The following PRKCE variants were observed in gnomAD, a reference collection of about 807,000 sequenced individuals.
PRKCE encodes the protein protein kinase C epsilon.
PRKCE carries 16 observed loss-of-function variants against 85.4 expected under a neutral mutation model. That is an observed-to-expected ratio of 0.19 (90% CI 0.13 to 0.28). The LOEUF is 0.28. Among genes scored for constraint, PRKCE ranks in the 10% least tolerant of loss-of-function variants. PRKCE has a pLI of 1.00. For synonymous variants in PRKCE, 388 were observed against 371.5 expected (o/e 1.04, Z -0.51); for missense variants, 573 against 975.2 (o/e 0.59, Z 5.49).
rs116540700 is a variant in PRKCE at position 46,064,003 on chromosome 2, C to T, written c.1438-22205C>T. Among the ~76,000 whole-genome samples the T allele has an allele frequency of 3.6e-3, 547 of 152,136 alleles. 5 individuals are homozygous for T. Among genetic ancestry groups the T allele is most frequent in the African/African-American group, 0.013 (533 of 41,516 alleles). Reference sequence around the variant, plus strand: ...CTGTCTATGAAAATGGTTAACTGGTCGGGCACAGTGGCTCACACCTGTAAT... The same window carrying T: ...CTGTCTATGAAAATGGTTAACTGGTTGGGCACAGTGGCTCACACCTGTAAT... On this transcript the variant is annotated intron_variant, in intron 10 of 14. Transcript: ENST00000306156.
At chr2:46,022,943 C>T (rs866328767) in intron 10 of PRKCE, among the ~76,000 whole-genome samples, 12 of 151,776 alleles carry the variant, frequency 7.9e-5, no homozygotes, top group South Asian at 4.2e-4. Flanking sequence ...ATTAGCCGGG[C>T]GCGGTGGCGG....
intron 2 of PRKCE, among the ~76,000 whole-genome samples, chr2:45,857,757 A>C (rs1420553785): frequency 6.6e-6 from 1 of 152,098 alleles, no homozygotes; most frequent in African/African-American, 2.4e-5. Context: ...TAAAGTATTC[A>C]AATAATTGTA....
At chr2:45,658,128 A>G (rs1675464984) in intron 1 of PRKCE, among the ~76,000 whole-genome samples, 1 of 152,178 alleles carries the variant, frequency 6.6e-6, no homozygotes, top group African/African-American at 2.4e-5. Flanking sequence ...GAGGTAGGGA[A>G]GGGCTGGCAA....
At chr2:46,167,106 T>G (rs915055511) in intron 14 of PRKCE, 1 of 152,240 alleles carries the variant, frequency 6.6e-6, no homozygotes, top group Admixed American at 6.5e-5. Context: ...CCTTTGAACT[T>G]CTTCTCATCC....
At chr2:45,765,069 C>G (rs1218502822) in intron 1 of PRKCE, among the ~76,000 whole-genome samples, 1 of 152,180 alleles carries the variant, frequency 6.6e-6, no homozygotes, top group East Asian at 1.9e-4. Flanking sequence ...CGCTCAAAAA[C>G]CCACCCACTC....
chr2:45,754,512 A>T (rs963042721), intron 1 of PRKCE, among the ~76,000 whole-genome samples: 2 of 152,074 alleles, frequency 1.3e-5, no homozygotes, highest in Non-Finnish European at 2.9e-5. Context: ...TTGCGGCTCT[A>T]TGGAGGGAAA....
At chr2:45,748,342 C>T (rs1199475612) in intron 1 of PRKCE, among the ~76,000 whole-genome samples, 1 of 152,226 alleles carries the variant, frequency 6.6e-6, no homozygotes, top group East Asian at 1.9e-4. Flanking sequence ...GTGGCAGAAG[C>T]AGGATGTGAC....
rs148149175 is a variant in PRKCE at position 46,185,921 on chromosome 2, G to A, written c.*1040G>A. On this transcript the variant is annotated 3_prime_UTR_variant, in exon 15 of 15. Coordinates refer to ENST00000306156, the MANE Select transcript of PRKCE (RefSeq NM_005400.3). The surrounding 1 kb of genome is among the most constrained non-coding windows in gnomAD (Gnocchi z 4.7). Reference sequence around the variant, plus strand: ...TATTTTTGCGCACTTATACAAAATGGTAGTACTACTGTGTTGTGGTTTTTA... The same window carrying A: ...TATTTTTGCGCACTTATACAAAATGATAGTACTACTGTGTTGTGGTTTTTA... 6 of 152,318 alleles carry A rather than the reference G, an allele frequency of 3.9e-5. No individual in the cohort carries two copies. Among genetic ancestry groups the A allele is most frequent in the African/African-American group, 1.4e-4 (6 of 41,566 alleles). 9.4% of individuals were successfully genotyped at this position (152,318 alleles called of 1,614,324 possible).
At chr2:45,778,723 G>A (rs1440854191) in intron 1 of PRKCE, among the ~76,000 whole-genome samples, 9 of 152,218 alleles carry the variant, frequency 5.9e-5, no homozygotes, top group African/African-American at 1.9e-4. Context: ...TTCAGAGGAT[G>A]TATGTTCCCG....
At chr2:46,053,223 G>C (rs1008947583) in intron 10 of PRKCE, among the ~76,000 whole-genome samples, 7 of 152,150 alleles carry the variant, frequency 4.6e-5, no homozygotes, top group African/African-American at 1.7e-4. Flanking sequence ...TTGCAGCCTA[G>C]GAAATTAGGA....
At chr2:46,122,622 G>A (rs1429356213) in intron 11 of PRKCE, among the ~76,000 whole-genome samples, 1 of 152,120 alleles carries the variant, frequency 6.6e-6, no homozygotes, top group Non-Finnish European at 1.5e-5. Context: ...ACCCAGGTTT[G>A]GGTTGATAGA....
At chr2:46,042,638 A>G (rs1399398006) in intron 10 of PRKCE, among the ~76,000 whole-genome samples, 1 of 152,228 alleles carries the variant, frequency 6.6e-6, no homozygotes, top group Non-Finnish European at 1.5e-5. Context: ...AACTAATGGC[A>G]TGAGCCCTGA....
chr2:46,046,926 C>G (rs1314291868), intron 10 of PRKCE, among the ~76,000 whole-genome samples: 1 of 152,214 alleles, frequency 6.6e-6, no homozygotes, highest in Non-Finnish European at 1.5e-5. Flanking sequence ...CTTTCATCTA[C>G]CAGTTCACAG....
chr2:45,960,080 A>G (rs1701275264), intron 2 of PRKCE, among the ~76,000 whole-genome samples: 1 of 152,198 alleles, frequency 6.6e-6, no homozygotes, highest in African/African-American at 2.4e-5. Context: ...CACTTAAAAA[A>G]TCTTTAGACC....
At chr2:45,824,095 C>T (rs1255027345) in intron 1 of PRKCE, among the ~76,000 whole-genome samples, 1 of 152,234 alleles carries the variant, frequency 6.6e-6, no homozygotes, top group Admixed American at 6.5e-5. Context: ...TCTATGAGGG[C>T]ACAGCCCAGC....
chr2:46,011,692 T>G (rs1223267729), intron 10 of PRKCE, among the ~76,000 whole-genome samples: 1 of 152,180 alleles, frequency 6.6e-6, no homozygotes, highest in East Asian at 1.9e-4. Context: ...TGAGGAGACC[T>G]GCAATGAAAA....
At chr2:45,805,686 TC>T (rs1688189839) in intron 1 of PRKCE, among the ~76,000 whole-genome samples, 1 of 150,368 alleles carries the variant, frequency 6.7e-6, no homozygotes, top group African/African-American at 2.4e-5. Context: ...AACCTCCGCC[TC>T]CCGGGTTAAA....
chr2:45,825,292 T>G (rs1054132365), intron 1 of PRKCE, among the ~76,000 whole-genome samples: 4 of 152,172 alleles, frequency 2.6e-5, no homozygotes, highest in African/African-American at 9.7e-5. Flanking sequence ...CTAGCCACGG[T>G]TTTCCTGCAA....
chr2:45,934,094 ACT>A (rs1187348248), intron 2 of PRKCE, among the ~76,000 whole-genome samples: 3 of 151,870 alleles, frequency 2.0e-5, no homozygotes. Flanking sequence ...TGCCAAATTA[ACT>A]CTGTCTCCCA....
Sources: gnomAD v4.1 joint callset for allele counts (sites outside exome capture counted in the v4.1 genomes callset) on GRCh38, gnomAD v4.1.1 for gene constraint, Gnocchi (gnomAD v3.1) non-coding constraint, MANE v1.5 for transcripts, NCBI Gene and HGNC (gene_info 2026-07-23, HGNC 2026-07-21) for gene names.